Variants in ABHD13 observed in about 807,000 individuals in gnomAD.
ABHD13 encodes protein ABHD13.
ABHD13 carries 7 observed loss-of-function variants against 25.2 expected under a neutral mutation model. The ratio of observed to expected loss-of-function variants is 0.28; its 90% CI spans 0.16 to 0.52. ABHD13 has a LOEUF of 0.52. ABHD13 is among the 20% of genes least tolerant of loss of function. The pLI, the probability that ABHD13 is intolerant of heterozygous loss-of-function variation, is 0.96. For missense variants in ABHD13, 302 were observed against 402.7 expected, an observed-to-expected ratio of 0.75 and a Z score of 2.14; for synonymous variants, 133 against 136.1, an observed-to-expected ratio of 0.98 and a Z score of 0.16.
chr13:108,228,865 T>C lies in ABHD13; in HGVS notation c.-20-334T>C, dbSNP rs1879728440. 2.6e-5 allele frequency among the ~76,000 whole-genome samples: 4 copies of C among 151,884 alleles called. No homozygotes were observed. In the South Asian group the frequency reaches 6.2e-4, roughly 24 times the overall value. On this transcript the variant is annotated intron_variant, in intron 1 of 1. Coordinates refer to ENST00000375898, the MANE Select transcript of ABHD13 (RefSeq NM_032859.3). Reference sequence around the variant, plus strand: ...TACTTATGCCCCTGAGCTTCTGTTTTCTCATTAAAAAAAAAAAATGACACT... The same window carrying C: ...TACTTATGCCCCTGAGCTTCTGTTTCCTCATTAAAAAAAAAAAATGACACT...
rs1266394722 is a variant in ABHD13, at chr13:108,233,589, A to G, written c.*3357A>G. On this transcript the variant is annotated 3_prime_UTR_variant, in exon 2 of 2. Transcript: ENST00000375898. ...ATAACCCTTTTGGGTTATCCACTTAAATTTAGGTATTTTCATATTACTCAG... is the reference window on the plus strand; with the variant it reads ...ATAACCCTTTTGGGTTATCCACTTAGATTTAGGTATTTTCATATTACTCAG... 1.8e-5 allele frequency: 3 copies of G among 166,738 alleles called. No individual in the cohort carries two copies. The highest frequency in any genetic ancestry group is 4.4e-5 in the Non-Finnish European group (3 of 67,932). The allele number at this position is 166,738 out of a possible 1,614,324, so 10.3% of individuals were successfully genotyped here. A position where few individuals can be genotyped will look rare whatever the true frequency, so the allele number is the denominator to read the frequency against.
In ABHD13 at chr13:108,230,410, G is replaced by C; in HGVS notation, c.*178G>C. The C allele has an allele frequency of 1.8e-6, 1 of 561,026 alleles. No homozygotes were observed. Among genetic ancestry groups the C allele is most frequent in the Admixed American group, 3.7e-5 (1 of 27,312 alleles). The allele number at this position is 561,026 out of a possible 1,614,324, so 34.8% of individuals were successfully genotyped here. ...TTTTACATTGGAAAAACTAATTCTT[G>C]GGATTCTTTCATACATTTTCATCAA... is the stretch of plus-strand genomic sequence containing the variant. On this transcript the variant is annotated 3_prime_UTR_variant, in exon 2 of 2. Transcript: ENST00000375898.
rs1879854955 is a variant in ABHD13 at position 108,233,549 on chromosome 13, GA to G, written c.*3318del. On this transcript the variant is annotated 3_prime_UTR_variant, in exon 2 of 2. Transcript: ENST00000375898. The stretch of plus-strand genomic sequence containing the variant: ...TTATATGTATTTTTAAAAACTGTGA[GA>G]GGAAAAATTAGTCATAACCCTTTTG... 8 of 166,620 alleles carry G rather than the reference GA, an allele frequency of 4.8e-5. No individual in the cohort carries two copies. The highest frequency in any genetic ancestry group is 1.0e-4 in the Non-Finnish European group (7 of 67,896). The allele number at this position is 166,620 out of a possible 1,614,324, so 10.3% of individuals were successfully genotyped here.
Position 108,229,861 on chromosome 13 carries a change from G to T in ABHD13, c.643G>T (p.Val215Leu). 6.2e-7 allele frequency: 1 copy of T among 1,613,388 alleles called. No homozygotes were observed. The highest frequency in any genetic ancestry group is 8.5e-7 in the Non-Finnish European group (1 of 1,179,472). Residue 215 changes from valine to leucine, a missense_variant, in exon 2 of 2, where the codon GTG (valine) becomes TTG (leucine). Transcript: ENST00000375898. This position sits in a 1 kb window ranked among gnomAD's most constrained non-coding sequence, Gnocchi z 4.7. ...ENSHRISAIM[V>L]ENTFLSIPHM... ...TTCACATAGGATTTCAGCCATTATG[G>T]TGGAGAACACATTTTTAAGCATACC...
intron 1 of ABHD13, among the ~76,000 whole-genome samples, chr13:108,225,338 G>A (rs1879652469): frequency 6.6e-6 from 1 of 152,080 alleles, no homozygotes; most frequent in Non-Finnish European, 1.5e-5. Flanking sequence ...ACACAGGTGT[G>A]ATAATTGGAG....
intron 1 of ABHD13, among the ~76,000 whole-genome samples, chr13:108,221,210 G>A (rs906637749): frequency 2.6e-5 from 4 of 152,144 alleles, no homozygotes; most frequent in African/African-American, 4.8e-5. Flanking sequence ...TGTCCCATAG[G>A]ACTATTAATA....
chr13:108,230,411 G>A lies in ABHD13; in HGVS notation c.*179G>A, dbSNP rs948414777. 14 of 548,638 alleles carry A rather than the reference G, an allele frequency of 2.6e-5. No homozygotes were observed. Among genetic ancestry groups the A allele is most frequent in the African/African-American group, 2.5e-4 (13 of 51,532 alleles). 34.0% of individuals were successfully genotyped at this position (548,638 alleles called of 1,614,324 possible). A position where few individuals can be genotyped will look rare whatever the true frequency, so the allele number is the denominator to read the frequency against. On this transcript the variant is annotated 3_prime_UTR_variant, in exon 2 of 2. Transcript: ENST00000375898. ...TTTACATTGGAAAAACTAATTCTTGGGATTCTTTCATACATTTTCATCAAA... is the reference window on the plus strand; with the variant it reads ...TTTACATTGGAAAAACTAATTCTTGAGATTCTTTCATACATTTTCATCAAA...
chr13:108,229,890 T>C lies in ABHD13; in HGVS notation c.672T>C (p.His224=), dbSNP rs1879759472. The change falls in exon 2 of 2, where the codon CAT becomes CAC. Residue 224 remains histidine (H), a synonymous_variant. Coordinates refer to ENST00000375898, the MANE Select transcript of ABHD13 (RefSeq NM_032859.3). This position sits in a 1 kb window ranked among gnomAD's most constrained non-coding sequence, Gnocchi z 4.7. ...AGAACACATTTTTAAGCATACCACA[T>C]ATGGCCAGCACTTTATTTTCATTCT... ...MVENTFLSIP[H]MASTLFSFFP... is the part of the protein sequence containing the mutation. The C allele has an allele frequency of 2.5e-6, 4 of 1,613,306 alleles. No homozygotes were observed. The highest frequency in any genetic ancestry group is 2.5e-6 in the Non-Finnish European group (3 of 1,179,492).
rs555294343 is a variant in ABHD13 at position 108,232,938 on chromosome 13, A to C, written c.*2706A>C. The C allele has an allele frequency of 2.4e-5, 4 of 167,042 alleles. No homozygotes were observed. In the Admixed American group the frequency reaches 2.6e-4, roughly 11 times the overall value. The allele number at this position is 167,042 out of a possible 1,614,324, so 10.3% of individuals were successfully genotyped here. On this transcript the variant is annotated 3_prime_UTR_variant, in exon 2 of 2. Transcript: ENST00000375898. ...AGTGTGACACAGTTTTTAAATTTAG[A>C]TGTAGAAAATAATGAATTAATGAGA...
intron 1 of ABHD13, among the ~76,000 whole-genome samples, chr13:108,219,855 G>C (rs1198847286): frequency 6.6e-6 from 1 of 152,168 alleles, no homozygotes; most frequent in African/African-American, 2.4e-5. Flanking sequence ...ACCTGAGTTT[G>C]GTTTTAACAG....
At chr13:108,224,763 C>T (rs895925933) in intron 1 of ABHD13, among the ~76,000 whole-genome samples, 2 of 152,092 alleles carry the variant, frequency 1.3e-5, no homozygotes, top group Non-Finnish European at 2.9e-5. Flanking sequence ...AAGTAGGGAG[C>T]ACTAGAGGTG....
chr13:108,219,298 A>G (rs1287677916), intron 1 of ABHD13, among the ~76,000 whole-genome samples: 2 of 152,176 alleles, frequency 1.3e-5, no homozygotes, highest in African/African-American at 4.8e-5. Context: ...AAGTAAAATG[A>G]ATTACTAGTA....
intron 1 of ABHD13, among the ~76,000 whole-genome samples, chr13:108,222,241 T>C (rs769991854): frequency 6.6e-6 from 1 of 152,210 alleles, no homozygotes; most frequent in Non-Finnish European, 1.5e-5. Flanking sequence ...TAAAATGTTA[T>C]CTATGATACA....
intron 1 of ABHD13, among the ~76,000 whole-genome samples, chr13:108,228,883 AT>A (rs1403326767): frequency 6.6e-6 from 1 of 151,858 alleles, no homozygotes; most frequent in Non-Finnish European, 1.5e-5. Context: ...AAAAAAAAAA[AT>A]GACACTATCG....
At chr13:108,226,198 TC>T (rs1480199299) in intron 1 of ABHD13, among the ~76,000 whole-genome samples, 1 of 152,124 alleles carries the variant, frequency 6.6e-6, no homozygotes, top group Non-Finnish European at 1.5e-5. Flanking sequence ...GGTATATTGT[TC>T]CAGATGATAG....
chr13:108,223,749 G>A (rs1021594178), intron 1 of ABHD13, among the ~76,000 whole-genome samples: 10 of 152,152 alleles, frequency 6.6e-5, no homozygotes, highest in African/African-American at 2.4e-4. Flanking sequence ...CCATTAGAGG[G>A]TCTTGGGGAC....
At chr13:108,220,298 A>C (rs937708531) in intron 1 of ABHD13, among the ~76,000 whole-genome samples, 1 of 152,184 alleles carries the variant, frequency 6.6e-6, no homozygotes, top group African/African-American at 2.4e-5. Flanking sequence ...GGGCACATCA[A>C]AGACCTCTTG....
chr13:108,231,886 T>C lies in ABHD13; in HGVS notation c.*1654T>C, dbSNP rs1879812629. The stretch of plus-strand genomic sequence containing the variant: ...AGAATGTTTTTCTATAAATTACTAA[T>C]TGTAAAAAGTCTTGCTTTTTAAAAC... On this transcript the variant is annotated 3_prime_UTR_variant, in exon 2 of 2. Coordinates refer to ENST00000375898, the MANE Select transcript of ABHD13 (RefSeq NM_032859.3). 2 of 166,892 alleles carry C rather than the reference T, an allele frequency of 1.2e-5. No homozygotes were observed. The allele number at this position is 166,892 out of a possible 1,614,324, so 10.3% of individuals were successfully genotyped here.
At chr13:108,219,780 A>G (rs141149581) in intron 1 of ABHD13, among the ~76,000 whole-genome samples, 37 of 152,342 alleles carry the variant, frequency 2.4e-4, no homozygotes, top group African/African-American at 8.4e-4. Flanking sequence ...TGCACAAACT[A>G]CAGAATGTGG....
Sources: gnomAD v4.1 joint callset for allele counts (sites outside exome capture counted in the v4.1 genomes callset) on GRCh38, gnomAD v4.1.1 for gene constraint, Gnocchi (gnomAD v3.1) non-coding constraint, MANE v1.5 for transcripts, NCBI Gene and HGNC (gene_info 2026-07-23, HGNC 2026-07-21) for gene names.